The following MALRD1 variants were observed in gnomAD, a reference collection of about 807,000 sequenced individuals.
MALRD1 encodes the protein MAM and LDL-receptor class A domain-containing protein 1.
MALRD1 carries 247 observed loss-of-function variants against 242.1 expected under a neutral mutation model. The ratio of observed to expected loss-of-function variants is 1.02; its 90% CI spans 0.92 to 1.13. MALRD1 has a LOEUF of 1.13. MALRD1 is among the 50% of genes most tolerant of loss of function. The pLI, the probability that MALRD1 is intolerant of heterozygous loss-of-function variation, is 0.00. For synonymous variants in MALRD1, 995 were observed against 866.6 expected, an observed-to-expected ratio of 1.15 and a Z score of -2.60; for missense variants, 2,989 against 2,533.1, an observed-to-expected ratio of 1.18 and a Z score of -3.86.
At chr10:19,428,622 G>C (rs1487884822) in intron 28 of MALRD1, among the ~76,000 whole-genome samples, 2 of 151,450 alleles carry the variant, frequency 1.3e-5, no homozygotes, top group South Asian at 4.2e-4. Context: ...CAACCTTATG[G>C]TTTAGGTGCT....
chr10:19,282,678 G>A (rs1293679382), intron 20 of MALRD1, among the ~76,000 whole-genome samples: 1 of 152,130 alleles, frequency 6.6e-6, no homozygotes, highest in Non-Finnish European at 1.5e-5. Flanking sequence ...GAAAAGAACA[G>A]ACTTGTCAGA....
chr10:19,412,304 C>G (rs1833306825), intron 28 of MALRD1, among the ~76,000 whole-genome samples: 2 of 152,098 alleles, frequency 1.3e-5, no homozygotes, highest in African/African-American at 4.8e-5. Flanking sequence ...TACATAAATA[C>G]AAGTTTATAA....
intron 19 of MALRD1, among the ~76,000 whole-genome samples, chr10:19,262,999 A>C (rs1198758644): frequency 6.6e-6 from 1 of 152,174 alleles, no homozygotes; most frequent in Admixed American, 6.5e-5. Flanking sequence ...TCCAATGTAC[A>C]TATATATTAG....
intron 31 of MALRD1, 87 bp downstream of exon 31, chr10:19,498,733 C>T: frequency 2.1e-6 from 3 of 1,430,878 alleles, no homozygotes; most frequent in Non-Finnish European, 2.8e-6. Context: ...GTGTGCATTT[C>T]TTATGTGTAT....
chr10:19,508,530 A>G lies in MALRD1; in HGVS notation c.5320+9884A>G, dbSNP rs574173131. 1.4e-4 allele frequency among the ~76,000 whole-genome samples: 21 copies of G among 152,318 alleles called. 1 individual carries two copies. In the South Asian group the frequency reaches 3.1e-3, roughly 23 times the overall value. On this transcript the variant is annotated intron_variant, in intron 31 of 39. Coordinates refer to ENST00000454679, the MANE Select transcript of MALRD1 (RefSeq NM_001142308.3). The stretch of plus-strand genomic sequence containing the variant: ...ACCTATACTGTCCAATGTGTTAGCA[A>G]CTAGCCACATGGAACTATTGAGCCC...
At chr10:19,684,827 T>G (rs1006416669) in intron 36 of MALRD1, among the ~76,000 whole-genome samples, 1 of 152,130 alleles carries the variant, frequency 6.6e-6, no homozygotes, top group South Asian at 2.1e-4. Context: ...AAATTATAAA[T>G]CGAATCTGGA....
intron 14 of MALRD1, among the ~76,000 whole-genome samples, chr10:19,199,726 G>A (rs752037537): frequency 1.3e-5 from 2 of 151,974 alleles, no homozygotes; most frequent in Admixed American, 6.6e-5. Flanking sequence ...GCTTGAACCC[G>A]GGAGGTGGAG....
At chr10:19,434,561 T>G (rs2130958946) in intron 28 of MALRD1, among the ~76,000 whole-genome samples, 1 of 152,112 alleles carries the variant, frequency 6.6e-6, no homozygotes, top group African/African-American at 2.4e-5. Context: ...TTTTAATATT[T>G]TACATGATTT....
chr10:19,332,252 C>G (rs1843410370), intron 24 of MALRD1, among the ~76,000 whole-genome samples: 1 of 151,478 alleles, frequency 6.6e-6, no homozygotes, highest in Non-Finnish European at 1.5e-5. Context: ...AGCCTGCAGC[C>G]TCTGATGCAT....
intron 12 of MALRD1, among the ~76,000 whole-genome samples, chr10:19,163,162 A>AAAAAAAAAAAAAAAAAAAAAAAAT (rs1834514121): frequency 6.9e-6 from 1 of 145,002 alleles, no homozygotes; most frequent in Non-Finnish European, 1.5e-5. Context: ...AAAAAAAAAA[A>AAAAAAAAAAAAAAAAAAAAAAAAT]AAAGACATCA....
intron 34 of MALRD1, among the ~76,000 whole-genome samples, chr10:19,596,126 G>T (rs1489991842): frequency 6.6e-6 from 1 of 152,090 alleles, no homozygotes; most frequent in African/African-American, 2.4e-5. Flanking sequence ...TAAAATTCCA[G>T]GCTGTGTATT....
At position 19,284,255 on chromosome 10, in the gene MALRD1, T is replaced by C. The variant is rs565054032; in HGVS notation, c.3419+1074T>C. ...TTTGTATTTTACATACCAACTTTTT[T>C]TTTTTTTCATTATACTTTAAGTTTT... is the stretch of plus-strand genomic sequence containing the variant. On this transcript the variant is annotated intron_variant, in intron 21 of 39. Coordinates refer to ENST00000454679, the MANE Select transcript of MALRD1 (RefSeq NM_001142308.3). Among the ~76,000 whole-genome samples, 11 of 152,334 alleles carry C rather than the reference T, an allele frequency of 7.2e-5. No homozygotes were observed. In the South Asian group the frequency reaches 2.3e-3, roughly 32 times the overall value.
chr10:19,701,740 T>G, intron 38 of MALRD1, among the ~76,000 whole-genome samples: 2 of 76,170 alleles, frequency 2.6e-5, no homozygotes, highest in African/African-American at 5.3e-5. Context: ...CCCCTTCCCC[T>G]CCCCTCCCTT....
intron 29 of MALRD1, among the ~76,000 whole-genome samples, chr10:19,481,949 C>T (rs894594442): frequency 6.6e-6 from 1 of 151,948 alleles, no homozygotes; most frequent in Non-Finnish European, 1.5e-5. Context: ...ATAAATTCCT[C>T]GAAGGTGAGA....
chr10:19,440,613 G>A (rs982013391), intron 28 of MALRD1, among the ~76,000 whole-genome samples: 6 of 152,024 alleles, frequency 3.9e-5, no homozygotes, highest in African/African-American at 9.7e-5. Flanking sequence ...CTATTCTTGC[G>A]ATAGTTTTCT....
At chr10:19,134,213 C>T (rs1833234641) in intron 9 of MALRD1, among the ~76,000 whole-genome samples, 1 of 152,158 alleles carries the variant, frequency 6.6e-6, no homozygotes, top group Non-Finnish European at 1.5e-5. Flanking sequence ...CTCCCCAGCA[C>T]CATGCTGTGC....
intron 38 of MALRD1, among the ~76,000 whole-genome samples, chr10:19,702,784 AG>A (rs34480244): frequency 0.022 from 3,376 of 152,296 alleles, 129 homozygotes; most frequent in African/African-American, 0.078. Context: ...CAAAACCTTG[AG>A]ATACACAGAA....
chr10:19,071,934 C>T (rs1419525539), intron 2 of MALRD1, among the ~76,000 whole-genome samples: 1 of 152,120 alleles, frequency 6.6e-6, no homozygotes, highest in East Asian at 1.9e-4. Context: ...CTGTATTGCT[C>T]CGCATGCTCT....
At chr10:19,227,466 A>G (rs1027765288) in intron 18 of MALRD1, among the ~76,000 whole-genome samples, 1 of 152,096 alleles carries the variant, frequency 6.6e-6, no homozygotes, top group Non-Finnish European at 1.5e-5. Flanking sequence ...ATATCCTCAA[A>G]TTAACTCAAC....
Sources: gnomAD v4.1 joint callset for allele counts (sites outside exome capture counted in the v4.1 genomes callset) on GRCh38, gnomAD v4.1.1 for gene constraint, MANE v1.5 for transcripts, NCBI Gene and HGNC (gene_info 2026-07-23, HGNC 2026-07-21) for gene names.